The following HSP90AA1 variants were observed in gnomAD, a reference collection of about 807,000 sequenced individuals.
HSP90AA1 encodes heat shock protein 90 alpha family class A member 1.
A neutral mutation model predicts 73.3 loss-of-function variants in HSP90AA1; 18 were observed. That is an observed-to-expected ratio of 0.25 (90% CI 0.17 to 0.36). The LOEUF (loss-of-function observed/expected upper bound fraction) is 0.36, where lower values mean the gene tolerates loss of function less well. Among genes scored for constraint, HSP90AA1 ranks in the 10% least tolerant of loss-of-function variants. The pLI is 1.00. For synonymous variants in HSP90AA1, 477 were observed against 296.9 expected (o/e 1.61, Z -6.24); for missense variants, 704 against 874.2 (o/e 0.81, Z 2.45).
chr14:102,107,744 C>G (rs1002729643), intron 1 of HSP90AA1, among the ~76,000 whole-genome samples: 1 of 151,966 alleles, frequency 6.6e-6, no homozygotes, highest in Non-Finnish European at 1.5e-5. Flanking sequence ...GGAGAGCCAC[C>G]TAGCAGTTTC....
chr14:102,113,590 T>C (rs1351622852), intron 1 of HSP90AA1, among the ~76,000 whole-genome samples: 1 of 151,800 alleles, frequency 6.6e-6, no homozygotes, highest in Non-Finnish European at 1.5e-5. Context: ...TTCACCATGT[T>C]GGCTAGGCTG....
chr14:102,111,167 T>C (rs1595673022), intron 1 of HSP90AA1, among the ~76,000 whole-genome samples: 1 of 152,258 alleles, frequency 6.6e-6, no homozygotes, highest in African/African-American at 2.4e-5. Context: ...TGAATGTTAA[T>C]TTCCCAAGAC....
Position 102,081,556 on chromosome 14 carries a change from T to C in HSP90AA1, c.*156A>G. The C allele has an allele frequency of 1.5e-6, 1 of 647,156 alleles. No individual in the cohort carries two copies. The highest frequency in any genetic ancestry group is 1.8e-5 in the South Asian group (1 of 55,626). The allele number at this position is 647,156 out of a possible 1,614,324, so 40.1% of individuals were successfully genotyped here. On this transcript the variant is annotated 3_prime_UTR_variant, in exon 11 of 11. Coordinates refer to ENST00000216281, the MANE Select transcript of HSP90AA1 (RefSeq NM_005348.4). ...CTTTAGTGCCTAAGGTATCACAGCA[T>C]CACTTAGTAGACAGAAATCTTATCT...
chr14:102,084,733 C>G lies in HSP90AA1; in HGVS notation c.929G>C (p.Gly310Ala), dbSNP rs2152611563. ...NPDDITNEEY[G>A]EFYKSLTNDW... ...ATTGGTCAAGCTCTTATAGAATTCTCCGTACTCCTCATTAGTAATATCGTC... is the reference window on the plus strand; with the variant it reads ...ATTGGTCAAGCTCTTATAGAATTCTGCGTACTCCTCATTAGTAATATCGTC... The change falls in exon 5 of 11, where the codon GGA (glycine) becomes GCA (alanine). Residue 310 changes from glycine (G) to alanine (A), a missense_variant. By Grantham distance (60) the Gly-to-Ala change is moderately conservative. Coordinates refer to ENST00000216281, the MANE Select transcript of HSP90AA1 (RefSeq NM_005348.4). 2 of 1,614,148 alleles carry G rather than the reference C, an allele frequency of 1.2e-6. No individual in the cohort carries two copies. The highest frequency in any genetic ancestry group is 1.1e-5 in the South Asian group (1 of 91,084).
At chr14:102,085,474 A>G in intron 3 of HSP90AA1, 43 bp from the exon 4 acceptor site, 1 of 1,547,798 alleles carries the variant, frequency 6.5e-7, no homozygotes, top group Non-Finnish European at 8.9e-7. Context: ...CATTCAATTT[A>G]GTGCTCAACG....
intron 2 of HSP90AA1, among the ~76,000 whole-genome samples, chr14:102,094,551 G>A (rs1420055568): frequency 1.3e-5 from 2 of 152,190 alleles, no homozygotes; most frequent in Non-Finnish European, 2.9e-5. Context: ...ATGCAGGAGA[G>A]GGAGGGAACA....
At chr14:102,090,693 C>T (rs1283594703), upstream of HSP90AA1, among the ~76,000 whole-genome samples, 2 of 152,154 alleles carry the variant, frequency 1.3e-5, no homozygotes, top group African/African-American at 2.4e-5. Flanking sequence ...CCTTGTGATC[C>T]GCCCGCCTTG....
chr14:102,127,016 G>T (rs2049847701), intron 1 of HSP90AA1, among the ~76,000 whole-genome samples: 1 of 149,508 alleles, frequency 6.7e-6, no homozygotes, highest in Non-Finnish European at 1.5e-5. Context: ...TGCTGATGAG[G>T]CTCTTCAGAG....
upstream of HSP90AA1, among the ~76,000 whole-genome samples, chr14:102,087,421 G>A (rs1011353382): frequency 6.6e-6 from 1 of 151,670 alleles, no homozygotes; most frequent in Non-Finnish European, 1.5e-5. Flanking sequence ...CCGGGCGTGG[G>A]GGCCTTTGAA....
At chr14:102,135,877 C>T (rs936876834) in intron 1 of HSP90AA1, among the ~76,000 whole-genome samples, 2 of 152,246 alleles carry the variant, frequency 1.3e-5, no homozygotes, top group African/African-American at 2.4e-5. Flanking sequence ...AGCCCCGGTT[C>T]CCGCTCTCGC....
chr14:102,096,965 A>T (rs1457799249), intron 2 of HSP90AA1, among the ~76,000 whole-genome samples: 1 of 152,178 alleles, frequency 6.6e-6, no homozygotes, highest in East Asian at 1.9e-4. Context: ...TGGAGTGGGA[A>T]TGAAACTGTG....
At chr14:102,124,857 C>T (rs1370249332) in intron 1 of HSP90AA1, among the ~76,000 whole-genome samples, 1 of 152,120 alleles carries the variant, frequency 6.6e-6, no homozygotes, top group Non-Finnish European at 1.5e-5. Flanking sequence ...TGTCTTTTGA[C>T]CTTAAGTCCA....
At chr14:102,129,423 AT>A (rs2049878758) in intron 1 of HSP90AA1, among the ~76,000 whole-genome samples, 1 of 151,966 alleles carries the variant, frequency 6.6e-6, no homozygotes, top group Non-Finnish European at 1.5e-5. Context: ...CCCTGGGCTC[AT>A]TAGCAGTCAC....
chr14:102,097,713 A>T (rs941137510), intron 2 of HSP90AA1, among the ~76,000 whole-genome samples: 1 of 152,046 alleles, frequency 6.6e-6, no homozygotes, highest in African/African-American at 2.4e-5. Context: ...CTGGTAGGGG[A>T]GCTGATAGTT....
At chr14:102,111,361 G>A (rs1402558327) in intron 1 of HSP90AA1, among the ~76,000 whole-genome samples, 1 of 152,244 alleles carries the variant, frequency 6.6e-6, no homozygotes, top group Non-Finnish European at 1.5e-5. Flanking sequence ...AAGGGGCCAA[G>A]GAACAGCTCA....
At chr14:102,101,704 T>C (rs1408110052) in intron 2 of HSP90AA1, among the ~76,000 whole-genome samples, 1 of 152,198 alleles carries the variant, frequency 6.6e-6, no homozygotes, top group Non-Finnish European at 1.5e-5. Flanking sequence ...CCTGGGCCTG[T>C]AGTGGACCCT....
intron 2 of HSP90AA1, among the ~76,000 whole-genome samples, chr14:102,092,172 A>G (rs2049368136): frequency 6.6e-6 from 1 of 151,456 alleles, no homozygotes; most frequent in Non-Finnish European, 1.5e-5. Flanking sequence ...GGGTTCAAGC[A>G]ATTCTCATGC....
intron 1 of HSP90AA1, among the ~76,000 whole-genome samples, chr14:102,103,253 C>T (rs1360203876): frequency 7.0e-5 from 9 of 129,034 alleles, no homozygotes; most frequent in East Asian, 2.6e-4. Flanking sequence ...GATAGGGTCT[C>T]GGTTCTAGTG....
chr14:102,085,696 C>T (rs1449467519), intron 3 of HSP90AA1, 62 bp downstream of exon 3: 1 of 1,609,300 alleles, frequency 6.2e-7, no homozygotes, highest in African/African-American at 1.3e-5. Flanking sequence ...CCCAGGGGTC[C>T]AAGGGTTGCA....
Sources: gnomAD v4.1 joint callset for allele counts (sites outside exome capture counted in the v4.1 genomes callset) on GRCh38, gnomAD v4.1.1 for gene constraint, MANE v1.5 for transcripts, NCBI Gene and HGNC (gene_info 2026-07-23, HGNC 2026-07-21) for gene names.